The following MYH11 variants were observed in gnomAD, a reference collection of about 807,000 sequenced individuals.
The protein encoded by MYH11 is myosin heavy chain 11, also known as myosin-11.
Under a neutral mutation model 246.6 loss-of-function variants are expected in MYH11, and 80 were observed. The observed-to-expected ratio is 0.32, with a 90% CI of 0.27 to 0.39. The LOEUF is 0.39. Ranked by LOEUF, MYH11 falls within the 10% of genes least tolerant of loss-of-function variation. The pLI is 1.00. For missense variants in MYH11, 2,158 were observed against 2,546.8 expected (o/e 0.85, Z 3.29); for synonymous variants, 1,071 against 1,015.5 (o/e 1.05, Z -1.04).
chr16:15,763,741 T>TCCGCCCCC, intron 10 of MYH11, 55 bp downstream of exon 10: 3 of 646,836 alleles, frequency 4.6e-6, no homozygotes, highest in Middle Eastern at 2.6e-4. Flanking sequence ...AAATGTCACC[T>TCCGCCCCC]CCCCCACCCC....
chr16:15,817,564 T>C (rs1171797706), intron 3 of MYH11, among the ~76,000 whole-genome samples: 1 of 152,186 alleles, frequency 6.6e-6, no homozygotes, highest in African/African-American at 2.4e-5. Flanking sequence ...TTTATGCATA[T>C]GCAGATATAA....
chr16:15,768,091 T>G (rs932301909), intron 9 of MYH11, among the ~76,000 whole-genome samples: 3 of 152,120 alleles, frequency 2.0e-5, no homozygotes, highest in Admixed American at 6.5e-5. Context: ...GCCGACACCC[T>G]GATTTCAGAA....
chr16:15,725,151 ACACACACACAC>A, intron 28 of MYH11, 159 bp from the exon 29 acceptor site: 1 of 641,768 alleles, frequency 1.6e-6, no homozygotes, highest in East Asian at 2.7e-5. Context: ...AAAAAAAAAC[ACACACACACAC>A]AAAAAAAACA....
rs764996278 is a variant in MYH11 at position 15,720,307 on chromosome 16, G to A, written c.4797C>T (p.His1599=). The A allele has an allele frequency of 7.4e-6, 12 of 1,613,714 alleles. No individual in the cohort carries two copies. Among genetic ancestry groups the A allele is most frequent in the East Asian group, 4.5e-5 (2 of 44,886 alleles). ...CGTCTTCCAGTTCCGTCTCATACTC[G>A]TGAAGCTGGGCGAGGAATAGAGATG... ...EKRRQLQRQL[H]EYETELEDER... The change falls in exon 34 of 41, where the codon CAC becomes CAT. Residue 1599 remains histidine, a synonymous_variant. Transcript: ENST00000300036.
chr16:15,720,793 A>G (rs2040427820), intron 33 of MYH11, 46 bp downstream of exon 33: 1 of 1,597,934 alleles, frequency 6.3e-7, no homozygotes, highest in African/African-American at 1.3e-5. Context: ...TAGGAATGAA[A>G]AAGGCCACCC....
intron 40 of MYH11, 141 bp downstream of exon 40, chr16:15,714,768 T>G: frequency 9.1e-7 from 1 of 1,100,762 alleles, no homozygotes; most frequent in Non-Finnish European, 1.4e-6. Flanking sequence ...AGCTTAGTGA[T>G]TAAGGAGAAG....
chr16:15,714,626 T>A (rs988915624), intron 40 of MYH11: 1 of 554,792 alleles, frequency 1.8e-6, no homozygotes. Context: ...GAGGAGACAG[T>A]GGGGATAGCC....
At chr16:15,772,960 A>G (rs1417628704) in intron 8 of MYH11, among the ~76,000 whole-genome samples, 1 of 152,150 alleles carries the variant, frequency 6.6e-6, no homozygotes, top group Non-Finnish European at 1.5e-5. Context: ...CAAGCTCCCA[A>G]TGATTCTACA....
intron 31 of MYH11, 25 bp from the exon 32 acceptor site, chr16:15,721,659 C>T: frequency 2.5e-6 from 4 of 1,612,900 alleles, no homozygotes; most frequent in Non-Finnish European, 3.4e-6. Context: ...CCAGAGGTGA[C>T]TTCTAGGCAT....
At chr16:15,780,569 T>C (rs992275176) in intron 6 of MYH11, among the ~76,000 whole-genome samples, 2 of 129,574 alleles carry the variant, frequency 1.5e-5, no homozygotes, top group Non-Finnish European at 3.1e-5. Flanking sequence ...GCAACCTCCA[T>C]CTCCCCGGGT....
At position 15,750,216 on chromosome 16, in the gene MYH11, C is replaced by G; in HGVS notation, c.1980G>C (p.Gln660His). ...GTAGCGTGGTCATCAGCTTGCCCAG[C>G]TGCTCCTTGTACAGCTGCCCCACTG... ...FRTVGQLYKE[Q>H]LGKLMTTLRN... Residue 660 changes from glutamine to histidine, a missense_variant, in exon 16 of 41, where the codon CAG becomes CAC. Coordinates refer to ENST00000300036, the MANE Select transcript of MYH11 (RefSeq NM_002474.3). The surrounding 1 kb of genome is among the most constrained non-coding windows in gnomAD (Gnocchi z 4.3). 2 of 1,614,212 alleles carry G rather than the reference C, an allele frequency of 1.2e-6. No homozygotes were observed. Among genetic ancestry groups the G allele is most frequent in the Non-Finnish European group, 1.7e-6 (2 of 1,180,044 alleles).
chr16:15,748,313 A>T, intron 16 of MYH11, 145 bp from the exon 17 acceptor site: 1 of 1,397,796 alleles, frequency 7.2e-7, no homozygotes, highest in African/African-American at 1.4e-5. Flanking sequence ...CTGAGGGCCG[A>T]GGGGCAAAGC....
At chr16:15,710,531 TAAA>T (rs773294124) in intron 40 of MYH11, among the ~76,000 whole-genome samples, 2 of 151,232 alleles carry the variant, frequency 1.3e-5, no homozygotes, top group Non-Finnish European at 2.9e-5. Flanking sequence ...AAATAAATAA[TAAA>T]AAGAAAAGAA....
At chr16:15,838,308 C>T (rs2043961382) in intron 1 of MYH11, 39 bp from the exon 2 acceptor site, 3 of 1,562,224 alleles carry the variant, frequency 1.9e-6, no homozygotes, top group Non-Finnish European at 2.6e-6. Context: ...CAGACCACAA[C>T]CAAGCCCGGA....
At chr16:15,708,953 C>G (rs1040957489) in intron 40 of MYH11, 1 of 1,157,980 alleles carries the variant, frequency 8.6e-7, no homozygotes, top group East Asian at 2.6e-5. Flanking sequence ...ATTAAAGGCA[C>G]TCTTTTTTAT....
In MYH11 at chr16:15,756,334, C is replaced by T; in HGVS notation, c.1749+7G>A. On this transcript the variant is annotated splice_region_variant and intron_variant, in intron 14 of 40. Transcript: ENST00000300036. Reference sequence around the variant, plus strand: ...AGACAGAGTCCCCTGGGCCCTGTGGCTGGTACCTTCCCAGCATAATGGATG... The same window carrying T: ...AGACAGAGTCCCCTGGGCCCTGTGGTTGGTACCTTCCCAGCATAATGGATG... 6.2e-7 allele frequency: 1 copy of T among 1,613,960 alleles called. No homozygotes were observed. The highest frequency in any genetic ancestry group is 8.5e-7 in the Non-Finnish European group (1 of 1,180,010).
Position 15,703,491 on chromosome 16 carries a change from G to A in MYH11, c.*500C>T. Reference sequence around the variant, plus strand: ...AAACTCAGTGTCTGCACAATCCATTGATAGAACTGGAGGATGTGTCTGTGT... The same window carrying A: ...AAACTCAGTGTCTGCACAATCCATTAATAGAACTGGAGGATGTGTCTGTGT... On this transcript the variant is annotated 3_prime_UTR_variant, in exon 41 of 41. Transcript: ENST00000300036. The A allele has an allele frequency of 3.6e-6, 1 of 274,028 alleles. No homozygotes were observed. Among genetic ancestry groups the A allele is most frequent in the Non-Finnish European group, 7.1e-6 (1 of 141,466 alleles). 17.0% of individuals were successfully genotyped at this position (274,028 alleles called of 1,614,324 possible). A position where few individuals can be genotyped will look rare whatever the true frequency, so the allele number is the denominator to read the frequency against.
intron 1 of MYH11, among the ~76,000 whole-genome samples, chr16:15,853,301 C>T (rs1374585624): frequency 6.6e-6 from 1 of 152,104 alleles, no homozygotes. Context: ...AGATGCATGC[C>T]ACCATGCCCA....
intron 6 of MYH11, among the ~76,000 whole-genome samples, chr16:15,780,466 T>A (rs940271403): frequency 2.3e-4 from 33 of 143,426 alleles, no homozygotes; most frequent in Non-Finnish European, 3.9e-4. Flanking sequence ...TGACTTTAGA[T>A]TTTTACGCTT....
Sources: gnomAD v4.1 joint callset for allele counts (sites outside exome capture counted in the v4.1 genomes callset) on GRCh38, gnomAD v4.1.1 for gene constraint, Gnocchi (gnomAD v3.1) non-coding constraint, MANE v1.5 for transcripts, NCBI Gene and HGNC (gene_info 2026-07-23, HGNC 2026-07-21) for gene names.